The following KANSL1L variants were observed in gnomAD, a reference collection of about 807,000 sequenced individuals.
KANSL1L encodes KAT8 regulatory NSL complex subunit 1-like protein.
A neutral mutation model predicts 108.6 loss-of-function variants in KANSL1L; 25 were observed. That is an observed-to-expected ratio of 0.23 (90% CI 0.17 to 0.32). The LOEUF (loss-of-function observed/expected upper bound fraction) is 0.32. Among genes scored for constraint, KANSL1L ranks in the 10% least tolerant of loss-of-function variants. The pLI is 1.00. For missense variants in KANSL1L, 1,137 were observed against 1,125.7 expected (o/e 1.01, Z -0.14); for synonymous variants, 405 against 395.1 (o/e 1.03, Z -0.30).
chr2:210,131,885 C>T (rs1030445219), intron 2 of KANSL1L, among the ~76,000 whole-genome samples: 1 of 151,700 alleles, frequency 6.6e-6, no homozygotes, highest in Non-Finnish European at 1.5e-5. Flanking sequence ...TTAGTAGACA[C>T]GGGGTTTCAC....
intron 11 of KANSL1L, among the ~76,000 whole-genome samples, 157 bp from the exon 12 acceptor site, chr2:210,027,507 A>C (rs919858521): frequency 2.6e-5 from 4 of 152,222 alleles, no homozygotes; most frequent in Non-Finnish European, 5.9e-5. Flanking sequence ...AAACATTTGT[A>C]TTATGAGAAA....
chr2:210,115,090 C>T (rs2125479821), intron 3 of KANSL1L, among the ~76,000 whole-genome samples: 1 of 152,000 alleles, frequency 6.6e-6, no homozygotes, highest in Admixed American at 6.5e-5. Flanking sequence ...TAAGTCTATC[C>T]TTTTTAGTAA....
chr2:210,079,656 A>G lies in KANSL1L; in HGVS notation c.1551-3900T>C, dbSNP rs1468359701. 1.3e-3 allele frequency: 23 copies of G among 18,034 alleles called. No individual in the cohort carries two copies. The East Asian group carries it at 0.014, about 11-fold the overall frequency. The allele number at this position is 18,034 out of a possible 1,614,324, so 1.1% of individuals were successfully genotyped here. On this transcript the variant is annotated intron_variant, in intron 5 of 14. Coordinates refer to ENST00000281772, the MANE Select transcript of KANSL1L (RefSeq NM_152519.4). ...TATATATATATATATATATATATAT[A>G]TATATATATGTATGTGTGTATATAT... is the stretch of plus-strand genomic sequence containing the variant.
intron 1 of KANSL1L, among the ~76,000 whole-genome samples, chr2:210,166,541 C>T (rs536495698): frequency 1.2e-4 from 18 of 152,250 alleles, no homozygotes; most frequent in Admixed American, 3.9e-4. Context: ...TTCCTATCCC[C>T]TAAAATACTG....
At chr2:210,064,137 T>C (rs1259645698) in intron 6 of KANSL1L, 1 of 152,192 alleles carries the variant, frequency 6.6e-6, no homozygotes, top group Non-Finnish European at 1.5e-5. Context: ...CCTACTGCCA[T>C]CTACGTTAAG....
rs757005019 is a variant in KANSL1L at position 210,031,186 on chromosome 2, A to G, written c.2155+235T>C. ...TCCAGGGACTGATTGGTAGAAGACA[A>G]CTAGTCAGGGAACATAGGAGGGAAA... On this transcript the variant is annotated intron_variant, in intron 9 of 14. Transcript: ENST00000281772. The G allele has an allele frequency of 2.4e-4, 90 of 377,640 alleles. 2 individuals are homozygous for G. The highest frequency in any genetic ancestry group is 1.6e-3 in the Middle Eastern group (2 of 1,264). The allele number at this position is 377,640 out of a possible 1,614,324, so 23.4% of individuals were successfully genotyped here. A position where few individuals can be genotyped will look rare whatever the true frequency, so the allele number is the denominator to read the frequency against.
chr2:210,100,365 C>T (rs1046012026), intron 4 of KANSL1L, among the ~76,000 whole-genome samples: 9 of 152,186 alleles, frequency 5.9e-5, no homozygotes, highest in African/African-American at 1.9e-4. Context: ...GTACTAAAAA[C>T]AAGGTATTAA....
chr2:210,076,153 T>G (rs1318370754), intron 5 of KANSL1L, among the ~76,000 whole-genome samples: 2 of 152,134 alleles, frequency 1.3e-5, no homozygotes, highest in Admixed American at 6.6e-5. Flanking sequence ...AAGTCATCAC[T>G]CCATTATTAG....
At chr2:210,037,870 CTG>C (rs1022207494) in intron 8 of KANSL1L, among the ~76,000 whole-genome samples, 33 of 152,122 alleles carry the variant, frequency 2.2e-4, no homozygotes, top group African/African-American at 6.5e-4. Context: ...TCAAATTTCT[CTG>C]TTTCAAAAAT....
chr2:210,036,433 C>T (rs2094104666), intron 8 of KANSL1L, among the ~76,000 whole-genome samples: 1 of 152,122 alleles, frequency 6.6e-6, no homozygotes, highest in Non-Finnish European at 1.5e-5. Flanking sequence ...CCCCCTACCT[C>T]AGCCTCCCAA....
chr2:210,106,991 G>T (rs1299970205), intron 3 of KANSL1L, among the ~76,000 whole-genome samples: 1 of 151,852 alleles, frequency 6.6e-6, no homozygotes, highest in Non-Finnish European at 1.5e-5. Context: ...ATTAGTAAAA[G>T]GATATTCTGA....
chr2:210,065,025 A>G (rs1051674031), intron 6 of KANSL1L, among the ~76,000 whole-genome samples: 78 of 151,826 alleles, frequency 5.1e-4, no homozygotes, highest in African/African-American at 1.7e-3. Flanking sequence ...CTGTTAGGCC[A>G]AGCATGATGG....
chr2:210,163,350 A>C (rs948246121), intron 1 of KANSL1L, among the ~76,000 whole-genome samples: 1 of 152,214 alleles, frequency 6.6e-6, no homozygotes, highest in Admixed American at 6.5e-5. Context: ...AGAAATCAAA[A>C]ACACTGCAAC....
intron 6 of KANSL1L, among the ~76,000 whole-genome samples, chr2:210,051,861 T>C (rs891454383): frequency 6.6e-6 from 1 of 152,130 alleles, no homozygotes; most frequent in Non-Finnish European, 1.5e-5. Flanking sequence ...AGACATCATG[T>C]CTTCTTTTTG....
intron 5 of KANSL1L, among the ~76,000 whole-genome samples, chr2:210,081,727 A>G (rs910386335): frequency 6.6e-6 from 1 of 152,204 alleles, no homozygotes; most frequent in Non-Finnish European, 1.5e-5. Context: ...CAGGTTTATC[A>G]TTCCAGCCCT....
chr2:210,043,843 T>A, intron 7 of KANSL1L, 96 bp downstream of exon 7: 3 of 865,416 alleles, frequency 3.5e-6, no homozygotes, highest in Non-Finnish European at 3.4e-6. Context: ...TGAAAAAAAA[T>A]TGATAAAATA....
intron 5 of KANSL1L, among the ~76,000 whole-genome samples, chr2:210,084,861 C>T (rs555533175): frequency 1.1e-3 from 167 of 152,252 alleles, no homozygotes; most frequent in African/African-American, 1.5e-3. Context: ...CCACCCGCCT[C>T]GGCCTCCCAA....
intron 3 of KANSL1L, among the ~76,000 whole-genome samples, chr2:210,121,757 T>C (rs950691849): frequency 2.6e-5 from 4 of 152,216 alleles, no homozygotes; most frequent in African/African-American, 2.4e-5. Flanking sequence ...AAATTATCCT[T>C]GTTTGCACGT....
At position 210,029,862 on chromosome 2, in the gene KANSL1L, T is replaced by A. The variant is rs1304121077; in HGVS notation, c.2212A>T (p.Ser738Cys). ...DFQHTESGSH[S>C]NFTAVSNVNV... ...ACATTGGAAACAGCAGTAAAATTGC[T>A]ATGGGATCCTGATTCTGTGTGTTGA... Residue 738 changes from serine to cysteine, a missense_variant, in exon 10 of 15, where the codon AGC (serine) becomes TGC (cysteine). Physicochemically the swap from Ser to Cys is moderately radical, Grantham distance 112 (BLOSUM62 -1). Transcript: ENST00000281772. 1 of 1,607,878 alleles carries A rather than the reference T, an allele frequency of 6.2e-7. No homozygotes were observed. Among genetic ancestry groups the A allele is most frequent in the Non-Finnish European group, 8.5e-7 (1 of 1,176,412 alleles).
Sources: gnomAD v4.1 joint callset for allele counts (sites outside exome capture counted in the v4.1 genomes callset) on GRCh38, gnomAD v4.1.1 for gene constraint, MANE v1.5 for transcripts, NCBI Gene and HGNC (gene_info 2026-07-23, HGNC 2026-07-21) for gene names.